Variants in ZNF506 observed in about 807,000 individuals in gnomAD.
ZNF506 encodes the protein zinc finger protein 506.
Under a neutral mutation model 11.6 loss-of-function variants are expected in ZNF506, and 10 were observed. That is an observed-to-expected ratio of 0.86 (90% confidence interval 0.53 to 1.46). ZNF506 has a LOEUF of 1.46. Ranked by LOEUF, ZNF506 falls within the 40% of genes most tolerant of loss-of-function variation. The pLI, the probability that ZNF506 is intolerant of heterozygous loss-of-function variation, is 0.00. For missense variants in ZNF506, 425 were observed against 521.2 expected (o/e 0.82, Z 1.80); for synonymous variants, 156 against 173.3 (o/e 0.90, Z 0.78).
chr19:19,802,368 TAATA>T (rs1045493410), intron 3 of ZNF506, among the ~76,000 whole-genome samples: 3 of 152,200 alleles, frequency 2.0e-5, no homozygotes, highest in Non-Finnish European at 2.9e-5. Flanking sequence ...GAGAAATTTT[TAATA>T]AATAACCATT....
chr19:19,811,807 C>A (rs565231508), intron 1 of ZNF506, among the ~76,000 whole-genome samples: 2 of 151,958 alleles, frequency 1.3e-5, no homozygotes, highest in African/African-American at 4.8e-5. Flanking sequence ...ATTATAATAA[C>A]GGTTCTTCTC....
chr19:19,802,866 G>A (rs2062806473), intron 3 of ZNF506, among the ~76,000 whole-genome samples: 1 of 152,140 alleles, frequency 6.6e-6, no homozygotes, highest in Non-Finnish European at 1.5e-5. Flanking sequence ...AGCTATCCCT[G>A]ACAAAAATGC....
chr19:19,803,930 A>T (rs1474710389), intron 3 of ZNF506, among the ~76,000 whole-genome samples: 3 of 152,196 alleles, frequency 2.0e-5, no homozygotes, highest in Non-Finnish European at 2.9e-5. Context: ...TCTTATTTTT[A>T]AAAAAACCAA....
In ZNF506 at chr19:19,793,162, A is replaced by G. The variant is rs1165125425; in HGVS notation, c.*1390T>C. Among the ~76,000 whole-genome samples the G allele has an allele frequency of 6.6e-6, 1 of 152,184 alleles. No individual in the cohort carries two copies. The highest frequency in any genetic ancestry group is 1.5e-5 in the Non-Finnish European group (1 of 68,002). ...CAAGTACACTTTCAATGAAATTACA[A>G]TGCTTCAGAAAATCTCCCTTTTAAA... On this transcript the variant is annotated 3_prime_UTR_variant, in exon 4 of 4. Transcript: ENST00000540806.
At position 19,821,735 on chromosome 19, in the gene ZNF506, G is replaced by A. The variant is rs1000929794; in HGVS notation, c.-132C>T. ...TGAAGACGATAGCTGGATCTCTGGC[G>A]TCAGCGAGAGACAATGGGCCCGCCA... On this transcript the variant is annotated 5_prime_UTR_variant, in exon 1 of 4. The change creates a new upstream start codon in the 5' untranslated region. Coordinates refer to ENST00000540806, the MANE Select transcript of ZNF506 (RefSeq NM_001099269.3). 3.3e-6 allele frequency: 4 copies of A among 1,206,642 alleles called. No homozygotes were observed. Among genetic ancestry groups the A allele is most frequent in the African/African-American group, 1.5e-5 (1 of 66,582 alleles). The allele number at this position is 1,206,642 out of a possible 1,614,324, so 74.7% of individuals were successfully genotyped here. A position where few individuals can be genotyped will look rare whatever the true frequency, so the allele number is the denominator to read the frequency against.
At chr19:19,807,099 A>T in intron 1 of ZNF506, 31 bp from the exon 2 acceptor site, 1 of 1,611,700 alleles carries the variant, frequency 6.2e-7, no homozygotes, top group South Asian at 1.1e-5. Flanking sequence ...TATTTTTACC[A>T]AGTGGCCATG....
intron 1 of ZNF506, among the ~76,000 whole-genome samples, chr19:19,819,820 C>A (rs2062955878): frequency 6.6e-6 from 1 of 152,164 alleles, no homozygotes; most frequent in African/African-American, 2.4e-5. Context: ...GACTATTGGT[C>A]AGGCGCAGTG....
At chr19:19,818,255 A>G (rs1220515114) in intron 1 of ZNF506, among the ~76,000 whole-genome samples, 1 of 152,224 alleles carries the variant, frequency 6.6e-6, no homozygotes, top group African/African-American at 2.4e-5. Flanking sequence ...ACACTTCTAG[A>G]AGGTACCACA....
intron 1 of ZNF506, among the ~76,000 whole-genome samples, chr19:19,821,071 T>C (rs2062964081): frequency 6.6e-6 from 1 of 152,156 alleles, no homozygotes; most frequent in South Asian, 2.1e-4. Context: ...AGCTAACTTT[T>C]GTATTTTTAG....
chr19:19,815,189 G>C (rs1002476727), intron 1 of ZNF506, among the ~76,000 whole-genome samples: 5 of 152,212 alleles, frequency 3.3e-5, no homozygotes, highest in African/African-American at 9.6e-5. Context: ...GAACCCGGGA[G>C]GCGGAGCCTG....
At chr19:19,809,352 G>A (rs1252563862) in intron 1 of ZNF506, among the ~76,000 whole-genome samples, 1 of 152,134 alleles carries the variant, frequency 6.6e-6, no homozygotes, top group Non-Finnish European at 1.5e-5. Context: ...TATTAGGGCA[G>A]AAAAACACAA....
chr19:19,807,861 A>G (rs1292666547), intron 1 of ZNF506, among the ~76,000 whole-genome samples: 1 of 152,050 alleles, frequency 6.6e-6, no homozygotes, highest in East Asian at 1.9e-4. Flanking sequence ...TTTGGCCCCA[A>G]AAGGATATTT....
chr19:19,805,984 G>T, intron 3 of ZNF506, 47 bp downstream of exon 3: 1 of 1,476,776 alleles, frequency 6.8e-7, no homozygotes, highest in Non-Finnish European at 9.3e-7. Context: ...TTGACCTTGG[G>T]ACCTCTATCT....
At chr19:19,808,669 A>C (rs538421330) in intron 1 of ZNF506, among the ~76,000 whole-genome samples, 1 of 150,684 alleles carries the variant, frequency 6.6e-6, no homozygotes, top group Middle Eastern at 3.2e-3. Context: ...ACAGGGTGAA[A>C]CCTCATCTCT....
In ZNF506 at chr19:19,806,999, G is replaced by A. The variant is rs756167807; in HGVS notation, c.73C>T (p.Gln25Ter). The A allele has an allele frequency of 5.0e-6, 8 of 1,614,044 alleles. No individual in the cohort carries two copies. The highest frequency in any genetic ancestry group is 4.4e-5 in the South Asian group (4 of 91,074). ...ATCACATCCCTATATAGATTCCGCT[G>A]TGCAGCGTCCAGGCAATGCCACTCC... The part of the protein sequence containing the change: ...LEEWHCLDAA[Q>*]RNLYRDVMLE... Residue 25 changes from glutamine (Q) to a stop codon, truncating the protein, a stop_gained, in exon 2 of 4, where the codon CAG becomes TAG. Coordinates refer to ENST00000540806, the MANE Select transcript of ZNF506 (RefSeq NM_001099269.3). LOFTEE classifies it high-confidence loss of function.
At position 19,794,930 on chromosome 19, in the gene ZNF506, G is replaced by C; in HGVS notation, c.957C>G (p.Gly319=). 1.2e-6 allele frequency: 2 copies of C among 1,613,882 alleles called. No homozygotes were observed. Among genetic ancestry groups the C allele is most frequent in the Admixed American group, 3.3e-5 (2 of 60,014 alleles). ...GEKPYKCEEC[G]KAFNRSSNLT... is the part of the protein sequence containing the mutation. ...GGTTTGAGGAACGGTTAAAAGCTTT[G>C]CCACATTCCTCACATTTGTAGGGTT... Residue 319 remains glycine, a synonymous_variant, in exon 4 of 4, where the codon GGC becomes GGG. Coordinates refer to ENST00000540806, the MANE Select transcript of ZNF506 (RefSeq NM_001099269.3).
At chr19:19,810,984 T>C (rs979129990) in intron 1 of ZNF506, among the ~76,000 whole-genome samples, 4 of 152,194 alleles carry the variant, frequency 2.6e-5, no homozygotes, top group African/African-American at 7.2e-5. Flanking sequence ...GAAGACACTA[T>C]GTAGAATTCT....
intron 1 of ZNF506, among the ~76,000 whole-genome samples, chr19:19,816,729 A>G (rs1012123454): frequency 6.7e-6 from 1 of 149,604 alleles, no homozygotes; most frequent in Non-Finnish European, 1.5e-5. Context: ...ACCTCAGGTG[A>G]TCTGCTCAAC....
chr19:19,808,736 G>C (rs1026055699), intron 1 of ZNF506, among the ~76,000 whole-genome samples: 3 of 150,862 alleles, frequency 2.0e-5, no homozygotes, highest in African/African-American at 7.3e-5. Flanking sequence ...CCAGCTACTT[G>C]GGAGGCTAAG....
Sources: allele counts gnomAD v4.1 joint callset (sites outside exome capture counted in the v4.1 genomes callset), GRCh38; gene constraint gnomAD v4.1.1; transcripts MANE v1.5; gene names NCBI Gene and HGNC (gene_info 2026-07-23, HGNC 2026-07-21).